The following WASHC4 variants were observed in gnomAD, a reference collection of about 807,000 sequenced individuals.
The protein encoded by WASHC4 is WASH complex subunit 4, also known as WASH complex subunit 7.
Under a neutral mutation model 166.6 loss-of-function variants are expected in WASHC4, and 86 were observed. The observed-to-expected ratio is 0.52, with a 90% confidence interval of 0.43 to 0.62. The LOEUF (loss-of-function observed/expected upper bound fraction) is 0.62. Ranked by LOEUF, WASHC4 falls within the 20% of genes least tolerant of loss-of-function variation. The probability of loss-of-function intolerance (pLI) is 0.00; values close to 1 mark genes in which losing one functional copy is unlikely to be tolerated. For synonymous variants in WASHC4, 446 were observed against 451.6 expected (o/e 0.99, Z 0.16); for missense variants, 1,262 against 1,382.4 (o/e 0.91, Z 1.38).
Position 105,164,201 on chromosome 12 carries a change from A to C in WASHC4, c.3248A>C (p.Glu1083Ala), listed in dbSNP as rs1239615151. 13 of 1,613,952 alleles carry C rather than the reference A, an allele frequency of 8.1e-6. No individual in the cohort carries two copies. The highest frequency in any genetic ancestry group is 1.1e-5 in the Non-Finnish European group (13 of 1,179,926). Residue 1083 changes from glutamate to alanine, a missense_variant, in exon 31 of 33, where the codon GAG (glutamate) becomes GCG (alanine). By Grantham distance (107) the Glu-to-Ala change is moderately radical. Transcript: ENST00000332180. ...FQSVREKYLK[E>A]IRAVAKQQNV... The stretch of plus-strand genomic sequence containing the variant: ...TCTGTTAGAGAGAAATACCTGAAGG[A>C]GATAAGAGCAGTTGCTAAGCAACAG...
intron 15 of WASHC4, among the ~76,000 whole-genome samples, chr12:105,138,427 A>T (rs905963910): frequency 6.6e-6 from 1 of 151,844 alleles, no homozygotes; most frequent in Non-Finnish European, 1.5e-5. Flanking sequence ...GAGGTTAGTT[A>T]ACATAAGGCT....
chr12:105,131,703 T>A (rs1881838979), intron 13 of WASHC4, among the ~76,000 whole-genome samples: 1 of 152,140 alleles, frequency 6.6e-6, no homozygotes, highest in Non-Finnish European at 1.5e-5. Flanking sequence ...GCTCTAGGAC[T>A]GTGCTGTCTG....
intron 27 of WASHC4, 134 bp downstream of exon 27, chr12:105,156,926 CTA>C (rs1394565970): frequency 1.4e-6 from 1 of 738,960 alleles, no homozygotes; most frequent in South Asian, 1.5e-5. Context: ...TGGAAGAAAA[CTA>C]TTAATTCTAC....
chr12:105,155,818 G>A (rs1017402106), intron 26 of WASHC4, among the ~76,000 whole-genome samples: 1 of 152,126 alleles, frequency 6.6e-6, no homozygotes, highest in Non-Finnish European at 1.5e-5. Context: ...CTCCATCCTG[G>A]GTGACAGAGT....
chr12:105,131,271 A>G (rs1157189550), intron 13 of WASHC4, among the ~76,000 whole-genome samples: 2 of 150,728 alleles, frequency 1.3e-5, no homozygotes, highest in Non-Finnish European at 3.0e-5. Context: ...TATTTTTAGT[A>G]GAGACGGGGT....
chr12:105,134,226 C>G (rs1361446984), intron 14 of WASHC4, among the ~76,000 whole-genome samples: 2 of 151,916 alleles, frequency 1.3e-5, no homozygotes, highest in Admixed American at 6.5e-5. Flanking sequence ...TGAGGATTTT[C>G]TAGTTATTTT....
At chr12:105,116,213 T>G (rs908734238) in intron 6 of WASHC4, among the ~76,000 whole-genome samples, 1 of 152,064 alleles carries the variant, frequency 6.6e-6, no homozygotes, top group Non-Finnish European at 1.5e-5. Flanking sequence ...GGCTTCTATT[T>G]CCTCCTCTGT....
chr12:105,133,824 T>C lies in WASHC4; in HGVS notation c.1254T>C (p.Ser418=), dbSNP rs1376875528. 1 of 1,611,226 alleles carries C rather than the reference T, an allele frequency of 6.2e-7. No individual in the cohort carries two copies. The highest frequency in any genetic ancestry group is 1.1e-5 in the South Asian group (1 of 91,008). Reference sequence around the variant, plus strand: ...GCTCATGGATGATGAAAATGGAATCTATTTTGTCTAAAGAGCAGAGAATGG... The same window carrying C: ...GCTCATGGATGATGAAAATGGAATCCATTTTGTCTAAAGAGCAGAGAATGG... The part of the protein sequence containing the change: ...FVSSWMMKME[S]ILSKEQRMDK... The change falls in exon 14 of 33, where the codon TCT becomes TCC. Residue 418 remains serine, a synonymous_variant. Transcript: ENST00000332180.
chr12:105,168,153 C>G lies in WASHC4; in HGVS notation c.*1222C>G, dbSNP rs1485001015. On this transcript the variant is annotated 3_prime_UTR_variant, in exon 33 of 33. Transcript: ENST00000332180. Reference sequence around the variant, plus strand: ...CTTTGGATAAATCCTGCAAATACTTCTAACATTATTCTTTGATTCCAGCTT... The same window carrying G: ...CTTTGGATAAATCCTGCAAATACTTGTAACATTATTCTTTGATTCCAGCTT... 6.6e-6 allele frequency: 1 copy of G among 152,098 alleles called. No homozygotes were observed. Among genetic ancestry groups the G allele is most frequent in the Non-Finnish European group, 1.5e-5 (1 of 67,926 alleles). The allele number at this position is 152,098 out of a possible 1,614,324, so 9.4% of individuals were successfully genotyped here.
At chr12:105,147,594 T>C (rs988830302) in intron 24 of WASHC4, 6 of 1,008,688 alleles carry the variant, frequency 5.9e-6, no homozygotes, top group Middle Eastern at 4.2e-4. Flanking sequence ...ACTAAAAATA[T>C]ATTGAATCTT....
chr12:105,133,931 G>T, intron 14 of WASHC4, 35 bp downstream of exon 14: 1 of 1,596,754 alleles, frequency 6.3e-7, no homozygotes. Context: ...TCATTTTTTT[G>T]TTAATCCAAC....
intron 1 of WASHC4, among the ~76,000 whole-genome samples, chr12:105,110,452 C>T (rs540104414): frequency 6.6e-6 from 1 of 152,138 alleles, no homozygotes; most frequent in Non-Finnish European, 1.5e-5. Flanking sequence ...CCAGCTTATT[C>T]CAATGATTCC....
At chr12:105,127,676 C>A (rs1335177757) in intron 13 of WASHC4, among the ~76,000 whole-genome samples, 2 of 152,002 alleles carry the variant, frequency 1.3e-5, no homozygotes, top group Non-Finnish European at 2.9e-5. Flanking sequence ...CTTCCTTTTT[C>A]CCCCTTCTTT....
chr12:105,148,932 A>AT (rs1215621256), intron 24 of WASHC4: 2 of 985,118 alleles, frequency 2.0e-6, no homozygotes, highest in African/African-American at 3.5e-5. Context: ...CTTTCTTAGG[A>AT]TTTTCTGAGT....
rs1880638324 is a variant in WASHC4, at chr12:105,120,601, A to G, written c.561+4A>G. The G allele has an allele frequency of 1.9e-6, 3 of 1,590,588 alleles. No individual in the cohort carries two copies. Among genetic ancestry groups the G allele is most frequent in the Non-Finnish European group, 2.6e-6 (3 of 1,158,798 alleles). On this transcript the variant is annotated splice_donor_region_variant and intron_variant, in intron 8 of 32. Coordinates refer to ENST00000332180, the MANE Select transcript of WASHC4 (RefSeq NM_015275.3). ...GACAACTGGAGTTCATTTTCAGGTA[A>G]AAGACATTTAGCTTGACCTGTAAAA...
intron 32 of WASHC4, among the ~76,000 whole-genome samples, chr12:105,165,998 T>C (rs570547695): frequency 6.1e-4 from 93 of 152,356 alleles, no homozygotes; most frequent in Non-Finnish European, 1.2e-3. Flanking sequence ...ATGTGTTTCA[T>C]GATGCCAGAA....
Position 105,168,678 on chromosome 12 carries a change from G to C in WASHC4, c.*1747G>C, listed in dbSNP as rs1042157302. ...GCTGACTCCCTGGATACCTACAGTT[G>C]AGAAGAAAATGACAGACAATTATTT... On this transcript the variant is annotated 3_prime_UTR_variant, in exon 33 of 33. Transcript: ENST00000332180. The C allele has an allele frequency of 7.9e-5, 12 of 151,690 alleles. No homozygotes were observed. Among genetic ancestry groups the C allele is most frequent in the African/African-American group, 2.9e-4 (12 of 41,306 alleles). 9.4% of individuals were successfully genotyped at this position (151,690 alleles called of 1,614,324 possible). A position where few individuals can be genotyped will look rare whatever the true frequency, so the allele number is the denominator to read the frequency against.
chr12:105,110,020 A>G (rs1879511377), intron 1 of WASHC4, among the ~76,000 whole-genome samples: 1 of 152,174 alleles, frequency 6.6e-6, no homozygotes, highest in African/African-American at 2.4e-5. Context: ...CTTATATGTA[A>G]GCTGTAGGGA....
At position 105,163,972 on chromosome 12, in the gene WASHC4, A is replaced by G. The variant is rs190112218; in HGVS notation, c.3158-139A>G. On this transcript the variant is annotated intron_variant, in intron 30 of 32. Coordinates refer to ENST00000332180, the MANE Select transcript of WASHC4 (RefSeq NM_015275.3). ...ACCCATCATTCATTTATGCTGTAAA[A>G]TGTAACTTGAAACGGGACAAACTTA... The G allele has an allele frequency of 8.0e-5, 60 of 751,598 alleles. No homozygotes were observed. In the East Asian group the frequency reaches 1.6e-3, roughly 20 times the overall value. 46.6% of individuals were successfully genotyped at this position (751,598 alleles called of 1,614,324 possible).
Sources: gnomAD v4.1 joint callset for allele counts (sites outside exome capture counted in the v4.1 genomes callset) on GRCh38, gnomAD v4.1.1 for gene constraint, MANE v1.5 for transcripts, NCBI Gene and HGNC (gene_info 2026-07-23, HGNC 2026-07-21) for gene names.